The following PRKCE variants were observed in gnomAD, a reference collection of about 807,000 sequenced individuals.
PRKCE encodes protein kinase C epsilon type.
Under a neutral mutation model 85.4 loss-of-function variants are expected in PRKCE, and 16 were observed. That is an observed-to-expected ratio of 0.19 (90% confidence interval 0.13 to 0.28). The LOEUF (loss-of-function observed/expected upper bound fraction) is 0.28, where lower values mean the gene tolerates loss of function less well. PRKCE is among the 10% of genes least tolerant of loss of function. PRKCE has a pLI of 1.00. For synonymous variants in PRKCE, 388 were observed against 371.5 expected (o/e 1.04, Z -0.51); for missense variants, 573 against 975.2 (o/e 0.59, Z 5.49).
intron 2 of PRKCE, among the ~76,000 whole-genome samples, chr2:45,866,454 C>T (rs1393085169): frequency 6.6e-6 from 1 of 152,138 alleles, no homozygotes; most frequent in Admixed American, 6.5e-5. Context: ...ACTACAGGCG[C>T]CGGCCACCAT....
chr2:45,751,433 C>G (rs111848795), intron 1 of PRKCE, among the ~76,000 whole-genome samples: 4 of 152,124 alleles, frequency 2.6e-5, no homozygotes, highest in Non-Finnish European at 5.9e-5. Context: ...AAAACAGGGC[C>G]GTGTCTTGTT....
chr2:45,857,503 A>G (rs1692772446), intron 2 of PRKCE, among the ~76,000 whole-genome samples: 1 of 152,252 alleles, frequency 6.6e-6, no homozygotes, highest in African/African-American at 2.4e-5. Flanking sequence ...ACTCTGAAGT[A>G]GATCTATCGC....
intron 1 of PRKCE, among the ~76,000 whole-genome samples, chr2:45,797,536 C>G (rs1687539748): frequency 6.6e-6 from 1 of 152,214 alleles, no homozygotes; most frequent in African/African-American, 2.4e-5. Flanking sequence ...CTTGCACGCA[C>G]CAGGCTGAGG....
chr2:46,062,925 G>A (rs931254161), intron 10 of PRKCE, among the ~76,000 whole-genome samples: 2 of 152,134 alleles, frequency 1.3e-5, no homozygotes, highest in African/African-American at 4.8e-5. Context: ...CACTGCGCCC[G>A]GCCTCAGCTT....
intron 11 of PRKCE, among the ~76,000 whole-genome samples, chr2:46,092,209 GA>G (rs2103967344): frequency 6.6e-6 from 1 of 152,330 alleles, no homozygotes; most frequent in South Asian, 2.1e-4. Context: ...AAGCCAGTGG[GA>G]AATGACAGAG....
chr2:45,986,333 T>G (rs1488388413), intron 6 of PRKCE, among the ~76,000 whole-genome samples: 1 of 152,130 alleles, frequency 6.6e-6, no homozygotes, highest in Non-Finnish European at 1.5e-5. Context: ...TTTCAGAATG[T>G]TTTAGTCAGG....
intron 2 of PRKCE, among the ~76,000 whole-genome samples, chr2:45,914,697 A>G (rs1697630911): frequency 6.6e-6 from 1 of 152,198 alleles, no homozygotes; most frequent in Non-Finnish European, 1.5e-5. Flanking sequence ...CTGATTAGAA[A>G]TTTTAAAGAG....
intron 10 of PRKCE, among the ~76,000 whole-genome samples, chr2:46,057,821 C>T (rs575226417): frequency 6.6e-6 from 1 of 152,242 alleles, no homozygotes; most frequent in Non-Finnish European, 1.5e-5. Flanking sequence ...AGGACATAGC[C>T]ACCTGTCTCC....
At chr2:46,020,453 C>T (rs1706554909) in intron 10 of PRKCE, among the ~76,000 whole-genome samples, 1 of 151,822 alleles carries the variant, frequency 6.6e-6, no homozygotes, top group South Asian at 2.1e-4. Context: ...CTAATGTATA[C>T]AGGTGTCATT....
chr2:46,008,604 C>T (rs1341199704), intron 9 of PRKCE, among the ~76,000 whole-genome samples: 1 of 152,186 alleles, frequency 6.6e-6, no homozygotes, highest in Non-Finnish European at 1.5e-5. Flanking sequence ...GTAGGTCAGT[C>T]AGCTGGCCCA....
chr2:46,083,720 A>T (rs1250870136), intron 10 of PRKCE, among the ~76,000 whole-genome samples: 1 of 152,196 alleles, frequency 6.6e-6, no homozygotes, highest in East Asian at 1.9e-4. Context: ...TCCGCCCCAG[A>T]TCTTCTGAAC....
intron 11 of PRKCE, among the ~76,000 whole-genome samples, chr2:46,129,985 A>G (rs1281357364): frequency 6.6e-6 from 1 of 152,260 alleles, no homozygotes; most frequent in Non-Finnish European, 1.5e-5. Context: ...TTTGACAGTC[A>G]TCAACAGATT....
intron 6 of PRKCE, among the ~76,000 whole-genome samples, chr2:45,990,658 CTTT>C (rs796096867): frequency 6.9e-6 from 1 of 144,270 alleles, no homozygotes; most frequent in Admixed American, 6.9e-5. Flanking sequence ...AAATTACTTT[CTTT>C]TTTTTTTTTT....
chr2:45,834,112 G>A (rs773612150), intron 1 of PRKCE, among the ~76,000 whole-genome samples: 1 of 152,208 alleles, frequency 6.6e-6, no homozygotes, highest in African/African-American at 2.4e-5. Context: ...GAGGAAGTAG[G>A]TGCTAACTTG....
chr2:45,694,914 T>C (rs1360557420), intron 1 of PRKCE, among the ~76,000 whole-genome samples: 1 of 152,148 alleles, frequency 6.6e-6, no homozygotes, highest in Non-Finnish European at 1.5e-5. Flanking sequence ...TACTAGAAGT[T>C]AAAGAGAAGG....
At chr2:45,972,083 A>G (rs919975568) in intron 2 of PRKCE, among the ~76,000 whole-genome samples, 2 of 152,240 alleles carry the variant, frequency 1.3e-5, no homozygotes, top group African/African-American at 4.8e-5. Context: ...TCCCATGAAC[A>G]GTGAACAAGC....
chr2:46,077,167 GCACA>G (rs68042105), intron 10 of PRKCE, among the ~76,000 whole-genome samples: 42 of 150,020 alleles, frequency 2.8e-4, no homozygotes, highest in Admixed American at 5.3e-4. Context: ...TCTTTCTCGT[GCACA>G]CACACACACA....
chr2:45,710,198 G>T (rs1393729802), intron 1 of PRKCE, among the ~76,000 whole-genome samples: 1 of 152,210 alleles, frequency 6.6e-6, no homozygotes, highest in Non-Finnish European at 1.5e-5. Flanking sequence ...GTAACAACCT[G>T]ATGATGTAGG....
chr2:46,115,997 G>A (rs554936365), intron 11 of PRKCE, among the ~76,000 whole-genome samples: 23 of 152,318 alleles, frequency 1.5e-4, no homozygotes, highest in Admixed American at 5.2e-4. Flanking sequence ...ATGTTACAGG[G>A]CAGGAGGATT....
Sources: allele counts gnomAD v4.1 joint callset (sites outside exome capture counted in the v4.1 genomes callset), GRCh38; gene constraint gnomAD v4.1.1; transcripts MANE v1.5; gene names NCBI Gene and HGNC (gene_info 2026-07-23, HGNC 2026-07-21).